Variants in PACRG observed in about 807,000 individuals in gnomAD.
PACRG encodes parkin coregulated, also known as parkin coregulated gene protein.
A neutral mutation model predicts 29.7 loss-of-function variants in PACRG; 29 were observed. That is an observed-to-expected ratio of 0.98 (90% CI 0.73 to 1.33). The LOEUF is 1.33. Among genes scored for constraint, PACRG ranks in the 40% most tolerant of loss-of-function variants. PACRG has a pLI of 0.00. For synonymous variants in PACRG, 116 were observed against 118.7 expected (o/e 0.98, Z 0.15); for missense variants, 279 against 316.2 (o/e 0.88, Z 0.89).
At position 163,000,460 on chromosome 6, in the gene PACRG, A is replaced by C. The variant is rs544651833; in HGVS notation, c.292-61690A>C. Among the ~76,000 whole-genome samples the C allele has an allele frequency of 4.6e-5, 7 of 152,138 alleles. No homozygotes were observed. In the South Asian group the frequency reaches 1.5e-3, roughly 32 times the overall value. On this transcript the variant is annotated intron_variant, in intron 2 of 4. Transcript: ENST00000366888. ...ATACCAGTGGGTCCTGTGTGGTCCA[A>C]AGGGGTCCCTGTCGCTCCAAACAGA... is the stretch of plus-strand genomic sequence containing the variant.
chr6:163,000,427 C>T (rs938990881), intron 2 of PACRG, among the ~76,000 whole-genome samples: 2 of 152,162 alleles, frequency 1.3e-5, no homozygotes, highest in Admixed American at 6.5e-5. Context: ...ACTCCCATCA[C>T]ACTCCCCATA....
At chr6:163,132,495 A>G (rs539907464) in intron 4 of PACRG, among the ~76,000 whole-genome samples, 1 of 152,188 alleles carries the variant, frequency 6.6e-6, no homozygotes, top group African/African-American at 2.4e-5. Context: ...TTCTATATCC[A>G]TTTCCTCTAA....
At chr6:163,253,595 A>G (rs1782992483) in intron 4 of PACRG, among the ~76,000 whole-genome samples, 1 of 152,162 alleles carries the variant, frequency 6.6e-6, no homozygotes, top group African/African-American at 2.4e-5. Flanking sequence ...GCCATGTTGT[A>G]TAAGCTTACT....
chr6:163,267,473 A>G (rs1585384261), intron 4 of PACRG, among the ~76,000 whole-genome samples: 1 of 152,334 alleles, frequency 6.6e-6, no homozygotes, highest in East Asian at 1.9e-4. Context: ...GGACCATAAT[A>G]TTTCACACCA....
rs1554242810 is a variant in PACRG, at chr6:163,292,575, ATTATTTAT to A, written c.614-22230_614-22223del. On this transcript the variant is annotated intron_variant, in intron 4 of 4. Transcript: ENST00000366888. Reference sequence around the variant, plus strand: ...GCCACCACGCCCAGCTAATTTATGTATTATTTATTTATTTATTTATTTATTTATTAGTA... The same window carrying A: ...GCCACCACGCCCAGCTAATTTATGTATTATTTATTTATTTATTTATTAGTA... Among the ~76,000 whole-genome samples the A allele has an allele frequency of 1.9e-4, 19 of 97,974 alleles. No individual in the cohort carries two copies. The East Asian group carries it at 2.3e-3, about 12-fold the overall frequency. 64.3% of individuals were successfully genotyped at this position (97,974 alleles called of 152,430 possible).
chr6:163,102,672 G>A (rs924234250), intron 4 of PACRG, among the ~76,000 whole-genome samples: 3 of 152,150 alleles, frequency 2.0e-5, no homozygotes, highest in Admixed American at 6.5e-5. Context: ...CAACCAAAGC[G>A]CATTAGAGAC....
intron 4 of PACRG, among the ~76,000 whole-genome samples, chr6:163,093,764 C>A (rs907999204): frequency 2.0e-5 from 3 of 152,118 alleles, no homozygotes; most frequent in African/African-American, 7.2e-5. Context: ...CCTGTCCCCA[C>A]GTTTGTAGGA....
chr6:163,148,998 A>C (rs1777948366), intron 4 of PACRG, among the ~76,000 whole-genome samples: 1 of 111,396 alleles, frequency 9.0e-6, no homozygotes, highest in African/African-American at 3.7e-5. Context: ...AATGTCCCTG[A>C]CGTCTGTTGA....
At position 162,852,005 on chromosome 6, in the gene PACRG, G is replaced by GAGGAAGGAAGGAAGGA. The variant is rs749750362; in HGVS notation, c.291+37742_291+37757dup. ...AAGAAAAGGGAGGGAGGGAGGGAGG[G>GAGGAAGGAAGGAAGGA]AGGAAGGAAGGAAGGAAGGAAGGAA... On this transcript the variant is annotated intron_variant, in intron 2 of 4. Transcript: ENST00000366888. 4.3e-3 allele frequency among the ~76,000 whole-genome samples: 502 copies of GAGGAAGGAAGGAAGGA among 116,046 alleles called. 6 individuals carry two copies. Among genetic ancestry groups the GAGGAAGGAAGGAAGGA allele is most frequent in the African/African-American group, 0.015 (452 of 29,284 alleles). The allele number at this position is 116,046 out of a possible 152,430, so 76.1% of individuals were successfully genotyped here.
intron 4 of PACRG, among the ~76,000 whole-genome samples, chr6:163,276,008 C>CTTTCT (rs1784010401): frequency 2.8e-5 from 4 of 140,576 alleles, no homozygotes; most frequent in Non-Finnish European, 4.5e-5. Context: ...TCCTTCCTTC[C>CTTTCT]TTCTTTCTTT....
rs73605830 is a variant in PACRG at position 162,892,592 on chromosome 6, G to A, written c.291+78311G>A. Among the ~76,000 whole-genome samples, 822 of 152,188 alleles carry A rather than the reference G, an allele frequency of 5.4e-3. 5 individuals are homozygous for A. Among genetic ancestry groups the A allele is most frequent in the African/African-American group, 0.019 (795 of 41,496 alleles). On this transcript the variant is annotated intron_variant, in intron 2 of 4. Transcript: ENST00000366888. Reference sequence around the variant, plus strand: ...GCGCGTTCTAGTCTAATTCTGATGCGACCACCTGGATGCTCATGCCGCATT... The same window carrying A: ...GCGCGTTCTAGTCTAATTCTGATGCAACCACCTGGATGCTCATGCCGCATT...
At chr6:163,294,714 T>G (rs923542506) in intron 4 of PACRG, among the ~76,000 whole-genome samples, 1 of 152,202 alleles carries the variant, frequency 6.6e-6, no homozygotes, top group Non-Finnish European at 1.5e-5. Flanking sequence ...CACAGATAAC[T>G]TGAAAGCTAT....
intron 2 of PACRG, among the ~76,000 whole-genome samples, chr6:162,962,868 T>C (rs6918305): frequency 0.16 from 23,631 of 152,056 alleles, 3,209 homozygotes; most frequent in African/African-American, 0.36. Flanking sequence ...CTCTGAACTG[T>C]ATTCCTGACG....
intron 4 of PACRG, among the ~76,000 whole-genome samples, chr6:163,100,078 G>A (rs1254343550): frequency 1.3e-5 from 2 of 152,052 alleles, no homozygotes; most frequent in Non-Finnish European, 2.9e-5. Flanking sequence ...TGACACAGGA[G>A]CCGTGGCTGC....
chr6:163,083,758 C>A (rs1813289254), intron 3 of PACRG, among the ~76,000 whole-genome samples: 1 of 152,080 alleles, frequency 6.6e-6, no homozygotes, highest in African/African-American at 2.4e-5. Flanking sequence ...ACATTTAAAG[C>A]ATATGTCAAA....
At chr6:162,968,222 A>T (rs6901788) in intron 2 of PACRG, among the ~76,000 whole-genome samples, 102,289 of 151,992 alleles carry the variant, frequency 0.67, 34,592 homozygotes, top group East Asian at 0.79. Context: ...CTCTATCACT[A>T]CTCCAGGTTA....
chr6:162,797,746 A>G (rs74587847), intron 1 of PACRG, among the ~76,000 whole-genome samples: 27,450 of 151,794 alleles, frequency 0.18, 3,071 homozygotes, highest in Non-Finnish European at 0.25. Context: ...CACATTATTC[A>G]TTTTTCTCAT....
chr6:163,115,955 A>G (rs1295634249), intron 4 of PACRG, among the ~76,000 whole-genome samples: 2 of 152,168 alleles, frequency 1.3e-5, no homozygotes, highest in Non-Finnish European at 2.9e-5. Context: ...AAAGCTATTC[A>G]TGCCTATGGG....
chr6:163,118,434 G>C (rs1022334850), intron 4 of PACRG, among the ~76,000 whole-genome samples: 7 of 152,174 alleles, frequency 4.6e-5, no homozygotes, highest in Non-Finnish European at 8.8e-5. Flanking sequence ...TTTAAGGTGT[G>C]ATAGAACATT....
Sources: allele counts gnomAD v4.1 joint callset (sites outside exome capture counted in the v4.1 genomes callset), GRCh38; gene constraint gnomAD v4.1.1; transcripts MANE v1.5; gene names NCBI Gene and HGNC (gene_info 2026-07-23, HGNC 2026-07-21).